Variants in MAN1A2 observed in about 807,000 individuals in gnomAD.
The protein encoded by MAN1A2 is mannosidase alpha class 1A member 2.
MAN1A2 carries 26 observed loss-of-function variants against 75.7 expected under a neutral mutation model. The ratio of observed to expected loss-of-function variants is 0.34; its 90% confidence interval spans 0.25 to 0.48. MAN1A2 has a LOEUF of 0.48. Among genes scored for constraint, MAN1A2 ranks in the 20% least tolerant of loss-of-function variants. The pLI is 0.99. For synonymous variants in MAN1A2, 247 were observed against 264.6 expected, an observed-to-expected ratio of 0.93 and a Z score of 0.65; for missense variants, 562 against 775.5, an observed-to-expected ratio of 0.72 and a Z score of 3.27.
At chr1:117,409,218 A>G (rs375816364) in intron 3 of MAN1A2, among the ~76,000 whole-genome samples, 17 of 152,130 alleles carry the variant, frequency 1.1e-4, no homozygotes, top group East Asian at 3.9e-4. Context: ...AGAAGCCTAG[A>G]TTATTGACCA....
At chr1:117,466,186 C>A (rs932000467) in intron 7 of MAN1A2, 148 bp from the exon 8 acceptor site, 1 of 516,720 alleles carries the variant, frequency 1.9e-6, no homozygotes, top group African/African-American at 2.0e-5. Flanking sequence ...AGAAGGCTTC[C>A]CTGACTTCCC....
intron 3 of MAN1A2, 108 bp downstream of exon 3, chr1:117,405,753 A>G (rs1647592758): frequency 2.7e-6 from 2 of 747,820 alleles, no homozygotes; most frequent in East Asian, 2.5e-5. Context: ...CTGTGGAACT[A>G]TAATTTGAAG....
chr1:117,499,362 TTTC>T lies in MAN1A2; in HGVS notation c.1505-17_1505-15del. On this transcript the variant is annotated splice_polypyrimidine_tract_variant and intron_variant, in intron 10 of 12. Coordinates refer to ENST00000356554, the MANE Select transcript of MAN1A2 (RefSeq NM_006699.5). ...ATAAATGGTTTATTTTGCTCAGTTA[TTTC>T]TTTTGTCATGTTACAGCATTAAAGC... is the stretch of plus-strand genomic sequence containing the variant. 6.6e-7 allele frequency: 1 copy of T among 1,519,822 alleles called. No individual in the cohort carries two copies. The highest frequency in any genetic ancestry group is 8.8e-7 in the Non-Finnish European group (1 of 1,133,100). The allele number at this position is 1,519,822 out of a possible 1,614,324, so 94.1% of individuals were successfully genotyped here.
intron 6 of MAN1A2, among the ~76,000 whole-genome samples, chr1:117,456,199 G>A (rs1162535468): frequency 2.0e-5 from 3 of 152,028 alleles, no homozygotes; most frequent in African/African-American, 7.2e-5. Flanking sequence ...CAGGTTGAAC[G>A]TTCAAGAGTA....
At chr1:117,375,053 AT>A in intron 1 of MAN1A2, among the ~76,000 whole-genome samples, 1 of 152,272 alleles carries the variant, frequency 6.6e-6, no homozygotes, top group Admixed American at 6.5e-5. Context: ...TTTATTGAGC[AT>A]TTGATATGCC....
At chr1:117,386,105 G>C (rs767525809) in intron 1 of MAN1A2, among the ~76,000 whole-genome samples, 39 of 152,196 alleles carry the variant, frequency 2.6e-4, no homozygotes, top group Non-Finnish European at 5.1e-4. Flanking sequence ...TGTAGGAAGA[G>C]GAGGGATTCT....
At chr1:117,491,147 C>A (rs567613782) in intron 8 of MAN1A2, among the ~76,000 whole-genome samples, 116 of 152,034 alleles carry the variant, frequency 7.6e-4, no homozygotes, top group African/African-American at 2.8e-3. Context: ...TTGATGAAGG[C>A]AGCTACACTA....
rs1286610711 is a variant in MAN1A2, at chr1:117,526,911, AGAGATATAT to A, written c.*3968_*3976del. 5 of 114,770 alleles carry A rather than the reference AGAGATATAT, an allele frequency of 4.4e-5. No individual in the cohort carries two copies. In the Admixed American group the frequency reaches 4.8e-4, roughly 11 times the overall value. 7.1% of individuals were successfully genotyped at this position (114,770 alleles called of 1,614,324 possible). ...ATATATATATATATATATATATATG[AGAGATATAT>A]GAGATATATGAGAGATCAAGATCTA... On this transcript the variant is annotated 3_prime_UTR_variant, in exon 13 of 13. Transcript: ENST00000356554.
chr1:117,464,020 C>A lies in MAN1A2; in HGVS notation c.1075-2314C>A, dbSNP rs140817073. Among the ~76,000 whole-genome samples the A allele has an allele frequency of 3.0e-4, 46 of 152,142 alleles. 1 individual carries two copies. The East Asian group carries it at 6.4e-3, about 21-fold the overall frequency. On this transcript the variant is annotated intron_variant, in intron 7 of 12. Transcript: ENST00000356554. ...AAATAAACATAATTTAACGTATGGG[C>A]CTTCCTGAAGTAGAAGACCTAAATC...
At chr1:117,477,945 C>CA (rs1309586198) in intron 8 of MAN1A2, among the ~76,000 whole-genome samples, 2 of 152,038 alleles carry the variant, frequency 1.3e-5, no homozygotes, top group African/African-American at 4.8e-5. Context: ...TCTCAGGATA[C>CA]AAAATCAATG....
At chr1:117,444,490 A>G (rs886749847) in intron 6 of MAN1A2, among the ~76,000 whole-genome samples, 5 of 151,956 alleles carry the variant, frequency 3.3e-5, no homozygotes, top group African/African-American at 4.8e-5. Flanking sequence ...TATTGCCAAA[A>G]TGTGTTCCAG....
At chr1:117,498,361 T>A (rs1651098530) in intron 10 of MAN1A2, among the ~76,000 whole-genome samples, 3 of 151,878 alleles carry the variant, frequency 2.0e-5, no homozygotes, top group Non-Finnish European at 4.4e-5. Flanking sequence ...AATAATTGAA[T>A]TTCATATAGC....
At chr1:117,383,267 G>T (rs1218158829) in intron 1 of MAN1A2, among the ~76,000 whole-genome samples, 3 of 152,122 alleles carry the variant, frequency 2.0e-5, no homozygotes, top group Admixed American at 1.3e-4. Context: ...TACATTAATT[G>T]ATTGATTTTC....
chr1:117,428,384 G>A (rs1648450302), intron 5 of MAN1A2, among the ~76,000 whole-genome samples: 1 of 151,620 alleles, frequency 6.6e-6, no homozygotes, highest in Admixed American at 6.6e-5. Flanking sequence ...CAAAGTGCTG[G>A]GATTACAAAT....
chr1:117,458,667 C>T (rs1390557114), intron 6 of MAN1A2, among the ~76,000 whole-genome samples: 4 of 151,002 alleles, frequency 2.6e-5, no homozygotes, highest in East Asian at 1.9e-4. Flanking sequence ...GGGATTACGG[C>T]GCCTGCCACC....
chr1:117,373,882 T>C (rs72689578), intron 1 of MAN1A2, among the ~76,000 whole-genome samples: 6,787 of 151,366 alleles, frequency 0.045, 237 homozygotes, highest in Non-Finnish European at 0.063. Context: ...AAGTATCTTC[T>C]AGAAATCAGT....
chr1:117,442,869 A>G (rs956808208), intron 6 of MAN1A2, among the ~76,000 whole-genome samples: 10 of 152,196 alleles, frequency 6.6e-5, no homozygotes, highest in Non-Finnish European at 1.2e-4. Context: ...CTTAAGCATC[A>G]ATCTTTATAA....
rs1380293667 is a variant in MAN1A2 at position 117,525,136 on chromosome 1, T to G, written c.*2179T>G. ...ACAGAACCCCTACTTCCAAGTGCTC[T>G]ATTTGTATTACCCAGATGACTGAAG... On this transcript the variant is annotated 3_prime_UTR_variant, in exon 13 of 13. Coordinates refer to ENST00000356554, the MANE Select transcript of MAN1A2 (RefSeq NM_006699.5). 1.9e-6 allele frequency: 1 copy of G among 528,626 alleles called. No individual in the cohort carries two copies. Among genetic ancestry groups the G allele is most frequent in the Non-Finnish European group, 3.9e-6 (1 of 258,076 alleles). 32.7% of individuals were successfully genotyped at this position (528,626 alleles called of 1,614,324 possible).
intron 8 of MAN1A2, among the ~76,000 whole-genome samples, chr1:117,484,982 C>T (rs919996817): frequency 2.5e-4 from 38 of 151,962 alleles, no homozygotes; most frequent in African/African-American, 8.2e-4. Flanking sequence ...TAAAAATTCA[C>T]GTGTAAGTGG....
Sources: gnomAD v4.1 joint callset for allele counts (sites outside exome capture counted in the v4.1 genomes callset) on GRCh38, gnomAD v4.1.1 for gene constraint, MANE v1.5 for transcripts, NCBI Gene and HGNC (gene_info 2026-07-23, HGNC 2026-07-21) for gene names.